The following PCDH9 variants were observed in gnomAD, a reference collection of about 807,000 sequenced individuals.
The protein encoded by PCDH9 is protocadherin 9.
In PCDH9, 24 loss-of-function variants were observed where a neutral mutation model predicts 70.6. That is an observed-to-expected ratio of 0.34 (90% CI 0.25 to 0.48). The LOEUF (loss-of-function observed/expected upper bound fraction) is 0.48, where lower values mean the gene tolerates loss of function less well. Ranked by LOEUF, PCDH9 falls within the 20% of genes least tolerant of loss-of-function variation. The pLI, the probability that PCDH9 is intolerant of heterozygous loss-of-function variation, is 0.99. For synonymous variants in PCDH9, 562 were observed against 558.5 expected, an observed-to-expected ratio of 1.01 and a Z score of -0.09; for missense variants, 1,281 against 1,503.6, an observed-to-expected ratio of 0.85 and a Z score of 2.45.
chr13:66,546,454 T>A (rs9529087), intron 4 of PCDH9, among the ~76,000 whole-genome samples: 39,333 of 151,940 alleles, frequency 0.26, 5,324 homozygotes, highest in South Asian at 0.34. Context: ...AAAAGCCTTA[T>A]AGAATGTGGA....
chr13:66,412,212 A>T (rs1160140204), intron 4 of PCDH9, among the ~76,000 whole-genome samples: 1 of 152,184 alleles, frequency 6.6e-6, no homozygotes, highest in African/African-American at 2.4e-5. Flanking sequence ...TCCAGGCTGG[A>T]GTGCAGTAAT....
intron 3 of PCDH9, among the ~76,000 whole-genome samples, chr13:66,758,408 T>C (rs936497028): frequency 6.6e-6 from 1 of 152,066 alleles, no homozygotes; most frequent in Non-Finnish European, 1.5e-5. Context: ...TCTAGGAGAT[T>C]AACATTTTTA....
At chr13:66,708,403 G>GTTTTTTTTTTTTTTT (rs36087870) in intron 3 of PCDH9, among the ~76,000 whole-genome samples, 5 of 136,988 alleles carry the variant, frequency 3.6e-5, no homozygotes, top group Non-Finnish European at 4.6e-5. Flanking sequence ...TTGAGATTTA[G>GTTTTTTTTTTTTTTT]TTTTTTTTTT....
chr13:66,765,899 C>CA, intron 3 of PCDH9, among the ~76,000 whole-genome samples: 1 of 152,004 alleles, frequency 6.6e-6, no homozygotes, highest in South Asian at 2.1e-4. Context: ...AATATAGAAC[C>CA]AGAGAAAGAA....
intron 4 of PCDH9, among the ~76,000 whole-genome samples, chr13:66,411,539 C>T (rs527399775): frequency 4.6e-5 from 7 of 152,232 alleles, no homozygotes; most frequent in South Asian, 2.1e-4. Context: ...CCTCTTGCCT[C>T]AGCCTCCCAA....
chr13:66,942,178 A>C (rs2083016476), intron 2 of PCDH9, among the ~76,000 whole-genome samples: 1 of 151,958 alleles, frequency 6.6e-6, no homozygotes, highest in Non-Finnish European at 1.5e-5. Flanking sequence ...GTACTTTTAG[A>C]AACATTTATA....
At chr13:66,980,300 A>G (rs889407667) in intron 2 of PCDH9, among the ~76,000 whole-genome samples, 1 of 152,256 alleles carries the variant, frequency 6.6e-6, no homozygotes, top group African/African-American at 2.4e-5. Context: ...TTCATCACAC[A>G]CACACGTACA....
At chr13:66,469,720 G>A (rs1958580900) in intron 4 of PCDH9, among the ~76,000 whole-genome samples, 1 of 152,038 alleles carries the variant, frequency 6.6e-6, no homozygotes, top group African/African-American at 2.4e-5. Flanking sequence ...TGGTATCTCT[G>A]GTCGCCTCTT....
At chr13:66,713,794 A>G (rs2078831964) in intron 3 of PCDH9, among the ~76,000 whole-genome samples, 1 of 151,776 alleles carries the variant, frequency 6.6e-6, no homozygotes, top group Admixed American at 6.6e-5. Flanking sequence ...CAGCTTACTC[A>G]ACATGAAGAC....
Position 66,461,623 on chromosome 13 carries a change from G to C in PCDH9, c.3341-156595C>G, listed in dbSNP as rs1383255289. Among the ~76,000 whole-genome samples the C allele has an allele frequency of 2.6e-5, 4 of 151,166 alleles. No individual in the cohort carries two copies. In the East Asian group the frequency reaches 5.8e-4, roughly 22 times the overall value. Reference sequence around the variant, plus strand: ...TTGCAGGAGATACCATGACATTAAAGCAAGATACACAAAACGGGAAGCTTA... The same window carrying C: ...TTGCAGGAGATACCATGACATTAAACCAAGATACACAAAACGGGAAGCTTA... On this transcript the variant is annotated intron_variant, in intron 4 of 4. Coordinates refer to ENST00000377865, the MANE Select transcript of PCDH9 (RefSeq NM_203487.3).
chr13:66,516,427 C>G (rs1959738190), intron 4 of PCDH9, among the ~76,000 whole-genome samples: 2 of 151,826 alleles, frequency 1.3e-5, no homozygotes, highest in Admixed American at 1.3e-4. Context: ...TTATTGTAAG[C>G]CTTTGATATC....
intron 3 of PCDH9, among the ~76,000 whole-genome samples, chr13:66,813,181 T>C (rs2080540261): frequency 6.6e-6 from 1 of 152,176 alleles, no homozygotes; most frequent in Non-Finnish European, 1.5e-5. Context: ...ATCACTACCA[T>C]TGGCCAACTC....
At chr13:66,953,935 T>C (rs762477300) in intron 2 of PCDH9, among the ~76,000 whole-genome samples, 7 of 152,182 alleles carry the variant, frequency 4.6e-5, no homozygotes, top group Non-Finnish European at 7.3e-5. Flanking sequence ...TTGCTTCTAA[T>C]TGGTATATAG....
chr13:66,790,903 T>A (rs983885453), intron 3 of PCDH9, among the ~76,000 whole-genome samples: 3 of 152,172 alleles, frequency 2.0e-5, no homozygotes, highest in Non-Finnish European at 4.4e-5. Flanking sequence ...AGCCAGCTAA[T>A]GTTGGCTCTC....
intron 2 of PCDH9, among the ~76,000 whole-genome samples, chr13:66,924,717 T>C (rs2082689915): frequency 6.6e-6 from 1 of 151,820 alleles, no homozygotes; most frequent in Non-Finnish European, 1.5e-5. Flanking sequence ...ACATGAAATA[T>C]ATACTCATGA....
At chr13:66,734,131 G>A (rs1022632584) in intron 3 of PCDH9, among the ~76,000 whole-genome samples, 1 of 152,120 alleles carries the variant, frequency 6.6e-6, no homozygotes, top group Non-Finnish European at 1.5e-5. Context: ...GGGGCTTTGG[G>A]TCACATGATG....
At chr13:66,362,782 A>G (rs1956492577) in intron 4 of PCDH9, among the ~76,000 whole-genome samples, 2 of 152,182 alleles carry the variant, frequency 1.3e-5, no homozygotes, top group African/African-American at 4.8e-5. Flanking sequence ...AATGTGCAAT[A>G]AAAGGATCAT....
chr13:66,913,677 A>C (rs544998062), intron 2 of PCDH9, among the ~76,000 whole-genome samples: 1 of 152,116 alleles, frequency 6.6e-6, no homozygotes, highest in East Asian at 1.9e-4. Context: ...ATAGATTTTT[A>C]TTTGCTCATT....
At chr13:67,003,654 T>C (rs2084289484) in intron 2 of PCDH9, among the ~76,000 whole-genome samples, 1 of 152,148 alleles carries the variant, frequency 6.6e-6, no homozygotes, top group South Asian at 2.1e-4. Flanking sequence ...AGAGAACCAA[T>C]ATAGTATGAA....
Sources: gnomAD v4.1 joint callset for allele counts (sites outside exome capture counted in the v4.1 genomes callset) on GRCh38, gnomAD v4.1.1 for gene constraint, MANE v1.5 for transcripts, NCBI Gene and HGNC (gene_info 2026-07-23, HGNC 2026-07-21) for gene names.